The following GSAP variants were observed in gnomAD, a reference collection of about 807,000 sequenced individuals.
GSAP encodes the protein gamma-secretase activating protein.
A neutral mutation model predicts 131.7 loss-of-function variants in GSAP; 118 were observed. That is an observed-to-expected ratio of 0.90 (90% CI 0.77 to 1.04). The LOEUF (loss-of-function observed/expected upper bound fraction) is 1.04, where lower values mean the gene tolerates loss of function less well. GSAP is among the 50% of genes least tolerant of loss of function. The pLI, the probability that GSAP is intolerant of heterozygous loss-of-function variation, is 0.00. For missense variants in GSAP, 1,019 were observed against 1,013.2 expected (o/e 1.01, Z -0.08); for synonymous variants, 381 against 363.4 (o/e 1.05, Z -0.55).
chr7:77,328,371 C>G, intron 22 of GSAP: 1 of 1,266,834 alleles, frequency 7.9e-7, no homozygotes, highest in Non-Finnish European at 9.9e-7. Context: ...GCAAGGCCAT[C>G]ACCCAGGGAC....
intron 9 of GSAP, 28 bp downstream of exon 9, chr7:77,377,258 A>AAAAAAAT: frequency 7.1e-6 from 10 of 1,400,688 alleles, no homozygotes; most frequent in Non-Finnish European, 8.5e-6. Context: ...AAAAAAAAAA[A>AAAAAAAT]GGAGTGCCCG....
chr7:77,320,795 T>C lies in GSAP; in HGVS notation c.2019A>G (p.Glu673=). ...TGGTCATGATGTGAAAAACTGCAAA[T>C]TCAGCAGCACTGCCACGACTATTGC... ...LHFNSRGSAA[E]FAVFHIMTRI... is the part of the protein sequence containing the mutation. Residue 673 remains glutamate (E), a synonymous_variant, in exon 26 of 31, where the codon GAA becomes GAG. Coordinates refer to ENST00000257626, the MANE Select transcript of GSAP (RefSeq NM_017439.4). 6.2e-7 allele frequency: 1 copy of C among 1,611,640 alleles called. No homozygotes were observed.
At chr7:77,391,100 G>T (rs1686922211) in intron 5 of GSAP, among the ~76,000 whole-genome samples, 1 of 135,246 alleles carries the variant, frequency 7.4e-6, no homozygotes, top group South Asian at 2.4e-4. Context: ...GCACTCCAGC[G>T]TGGGCAACAG....
rs376370121 is a variant in GSAP at position 77,311,907 on chromosome 7, T to C, written c.2407A>G (p.Ser803Gly). 2.1e-5 allele frequency: 34 copies of C among 1,602,098 alleles called. No individual in the cohort carries two copies. Among genetic ancestry groups the C allele is most frequent in the Non-Finnish European group, 2.7e-5 (31 of 1,169,204 alleles). Residue 803 changes from serine (S) to glycine (G), a missense_variant, in exon 30 of 31, where the codon AGT becomes GGT. Coordinates refer to ENST00000257626, the MANE Select transcript of GSAP (RefSeq NM_017439.4). ...TAGTTCAGAGGCAGAAATTCTACACTGAACGATGACTTGTTAATCATAGAA... is the reference window on the plus strand; with the variant it reads ...TAGTTCAGAGGCAGAAATTCTACACCGAACGATGACTTGTTAATCATAGAA... ...RNSMINKSSFSVEFLPLNYFI... is the reference protein window; with the variant it reads ...RNSMINKSSFGVEFLPLNYFI...
At chr7:77,331,931 A>G (rs1210136562) in intron 19 of GSAP, 1 of 151,360 alleles carries the variant, frequency 6.6e-6, no homozygotes, top group African/African-American at 2.4e-5. Context: ...AATCCTGCAG[A>G]CGTTTGATGG....
At position 77,363,533 on chromosome 7, in the gene GSAP, T is replaced by C. The variant is rs959318511; in HGVS notation, c.872-873A>G. ...AGCTGTGTGAATTCAATCGCTACTCTACTTCAGTGGATTTCAATGTTTCCT... is the reference window on the plus strand; with the variant it reads ...AGCTGTGTGAATTCAATCGCTACTCCACTTCAGTGGATTTCAATGTTTCCT... On this transcript the variant is annotated intron_variant, in intron 12 of 30. Transcript: ENST00000257626. Among the ~76,000 whole-genome samples, 3 of 152,246 alleles carry C rather than the reference T, an allele frequency of 2.0e-5. No homozygotes were observed. In the East Asian group the frequency reaches 5.8e-4, roughly 29 times the overall value.
At chr7:77,408,052 G>C (rs1445099185) in intron 1 of GSAP, among the ~76,000 whole-genome samples, 1 of 152,216 alleles carries the variant, frequency 6.6e-6, no homozygotes, top group African/African-American at 2.4e-5. Flanking sequence ...CTAATGTACA[G>C]TGTTAGATAA....
At chr7:77,373,972 C>G (rs915430413) in intron 12 of GSAP, 98 bp downstream of exon 12, 8 of 720,284 alleles carry the variant, frequency 1.1e-5, no homozygotes, top group Admixed American at 5.0e-5. Flanking sequence ...AAATGTAGCT[C>G]TGTTCTATTT....
chr7:77,416,328 G>A lies in GSAP; in HGVS notation c.-7C>T. 2.7e-6 allele frequency: 4 copies of A among 1,479,302 alleles called. No individual in the cohort carries two copies. Among genetic ancestry groups the A allele is most frequent in the Non-Finnish European group, 3.6e-6 (4 of 1,113,236 alleles). 91.6% of individuals were successfully genotyped at this position (1,479,302 alleles called of 1,614,324 possible). A position where few individuals can be genotyped will look rare whatever the true frequency, so the allele number is the denominator to read the frequency against. On this transcript the variant is annotated 5_prime_UTR_variant, in exon 1 of 31. Coordinates refer to ENST00000257626, the MANE Select transcript of GSAP (RefSeq NM_017439.4). ...CGACCAGGCGAAGAGCCATCGCCCG[G>A]ACACGACCACCGGGCGGCTCTGGGG...
In GSAP at chr7:77,320,818, TG is replaced by T. The variant is rs1285775508; in HGVS notation, c.1995del (p.Phe665LeufsTer16). On this transcript the variant is annotated frameshift_variant and splice_region_variant, in exon 26 of 31. Transcript: ENST00000257626. LOFTEE classifies it high-confidence loss of function. ...KHNLHSWVLH[F>X]NSRGSAAEFA... ...AATTCAGCAGCACTGCCACGACTAT[TG>T]CTGGGTAAAAAAAACAAAGCAGCAT... 1 of 1,597,672 alleles carries T rather than the reference TG, an allele frequency of 6.3e-7. No homozygotes were observed. The highest frequency in any genetic ancestry group is 2.2e-5 in the East Asian group (1 of 44,772).
chr7:77,346,934 ACCACCACCCCCCG>A (rs1791986756), intron 19 of GSAP, among the ~76,000 whole-genome samples: 1 of 69,056 alleles, frequency 1.4e-5, no homozygotes, highest in Non-Finnish European at 3.1e-5. Flanking sequence ...ACCACTCCCC[ACCACCACCCCCCG>A]CCCCACCCCC....
At chr7:77,324,676 ACTT>A (rs1220836553) in intron 23 of GSAP, among the ~76,000 whole-genome samples, 1 of 152,140 alleles carries the variant, frequency 6.6e-6, no homozygotes, top group Non-Finnish European at 1.5e-5. Context: ...CATAGTGCAT[ACTT>A]CTTTGTGCTT....
chr7:77,398,605 A>C (rs1186145464), intron 3 of GSAP, among the ~76,000 whole-genome samples: 1 of 152,150 alleles, frequency 6.6e-6, no homozygotes. Context: ...TATCTCTACA[A>C]AAGTTTTTAA....
At chr7:77,349,948 C>A (rs761164461) in intron 18 of GSAP, among the ~76,000 whole-genome samples, 3 of 152,080 alleles carry the variant, frequency 2.0e-5, no homozygotes, top group African/African-American at 7.2e-5. Flanking sequence ...ATAAATCATG[C>A]TGCTATAAAG....
intron 3 of GSAP, among the ~76,000 whole-genome samples, chr7:77,402,182 A>T (rs1801421193): frequency 1.3e-5 from 2 of 151,860 alleles, no homozygotes; most frequent in African/African-American, 4.8e-5. Context: ...ACCAAGAGAA[A>T]GATTTTTTTT....
intron 26 of GSAP, 95 bp from the exon 27 acceptor site, chr7:77,314,584 C>A: frequency 1.5e-6 from 2 of 1,366,932 alleles, no homozygotes; most frequent in South Asian, 1.3e-5. Context: ...GCACTTAGTT[C>A]AGTGCTTGGT....
chr7:77,366,592 G>A (rs1465496032), intron 12 of GSAP, among the ~76,000 whole-genome samples: 1 of 152,136 alleles, frequency 6.6e-6, no homozygotes, highest in Non-Finnish European at 1.5e-5. Context: ...TGGTCTATGT[G>A]CCTGTTTTGG....
intron 12 of GSAP, among the ~76,000 whole-genome samples, chr7:77,369,902 GTTTT>G (rs143719510): frequency 1.3e-5 from 2 of 151,444 alleles, no homozygotes; most frequent in Admixed American, 6.6e-5. Context: ...TTTGAAACAC[GTTTT>G]TTTATTTTTT....
chr7:77,371,684 G>A (rs955668242), intron 12 of GSAP, among the ~76,000 whole-genome samples: 10 of 152,084 alleles, frequency 6.6e-5, no homozygotes, highest in Admixed American at 2.6e-4. Context: ...TGATCTGCCC[G>A]CCTCGGCCTC....
Sources: gnomAD v4.1 joint callset for allele counts (sites outside exome capture counted in the v4.1 genomes callset) on GRCh38, gnomAD v4.1.1 for gene constraint, MANE v1.5 for transcripts, NCBI Gene and HGNC (gene_info 2026-07-23, HGNC 2026-07-21) for gene names.